Variants in DYNC2H1 observed in about 807,000 individuals in gnomAD.
DYNC2H1 encodes dynein cytoplasmic 2 heavy chain 1.
In DYNC2H1, 410 loss-of-function variants were observed where a neutral mutation model predicts 570.0. The ratio of observed to expected loss-of-function variants is 0.72; its 90% CI spans 0.66 to 0.78. The LOEUF is 0.78. Ranked by LOEUF, DYNC2H1 falls within the 30% of genes least tolerant of loss-of-function variation. The pLI, the probability that DYNC2H1 is intolerant of heterozygous loss-of-function variation, is 0.00. For missense variants in DYNC2H1, 4,865 were observed against 5,046.4 expected, an observed-to-expected ratio of 0.96 and a Z score of 1.09; for synonymous variants, 1,688 against 1,677.6, an observed-to-expected ratio of 1.01 and a Z score of -0.15.
In DYNC2H1 at chr11:103,323,961, C is replaced by G. The variant is rs768839818; in HGVS notation, c.12010C>G (p.Arg4004Gly). Residue 4004 changes from arginine to glycine, a missense_variant, in exon 82 of 89, where the codon CGC (arginine) becomes GGC (glycine). Around this residue, in one of 5 missense-constraint regions of DYNC2H1, gnomAD observed 2,401 missense variants for 2,454.6 expected, o/e 0.98. Coordinates refer to ENST00000375735, the MANE Select transcript of DYNC2H1 (RefSeq NM_001377.3). Reference protein sequence around the residue: ...SFFGLPANIARSSQRMISSQV... With the variant: ...SFFGLPANIAGSSQRMISSQV... The stretch of plus-strand genomic sequence containing the variant: ...CTTTGGTCTGCCTGCCAATATCGCT[C>G]GCTCATCTCAGCGCATGATCAGTTC... 4 of 1,612,106 alleles carry G rather than the reference C, an allele frequency of 2.5e-6. No individual in the cohort carries two copies. The African/African-American group carries it at 4.0e-5, about 16-fold the overall frequency.
intron 84 of DYNC2H1, among the ~76,000 whole-genome samples, chr11:103,432,113 C>A (rs955917780): frequency 2.6e-5 from 4 of 152,122 alleles, no homozygotes; most frequent in Admixed American, 6.6e-5. Flanking sequence ...GAAGCTTCTT[C>A]TTGATCCAGC....
chr11:103,385,157 T>C (rs1941820188), intron 83 of DYNC2H1, among the ~76,000 whole-genome samples: 1 of 152,062 alleles, frequency 6.6e-6, no homozygotes, highest in African/African-American at 2.4e-5. Context: ...TTCTCTTTAA[T>C]TCATTTTTTT....
intron 84 of DYNC2H1, among the ~76,000 whole-genome samples, chr11:103,401,233 C>T (rs929132342): frequency 1.3e-5 from 2 of 152,106 alleles, no homozygotes; most frequent in Admixed American, 6.6e-5. Context: ...TGGGTATGTC[C>T]TGTTGTCATA....
chr11:103,400,596 A>G (rs543936116), intron 84 of DYNC2H1, among the ~76,000 whole-genome samples: 57 of 152,334 alleles, frequency 3.7e-4, no homozygotes, highest in African/African-American at 1.3e-3. Flanking sequence ...TGGAGAATAG[A>G]AACTTTGCAG....
At chr11:103,336,439 T>A (rs1939131770) in intron 82 of DYNC2H1, among the ~76,000 whole-genome samples, 1 of 152,068 alleles carries the variant, frequency 6.6e-6, no homozygotes, top group African/African-American at 2.4e-5. Context: ...CTTTTTATCC[T>A]ACCCTCCCTC....
chr11:103,120,346 C>G, intron 6 of DYNC2H1, 101 bp from the exon 7 acceptor site: 4 of 1,150,310 alleles, frequency 3.5e-6, no homozygotes, highest in East Asian at 2.6e-5. Context: ...TTTAGTAAAC[C>G]TAATTTAAAG....
chr11:103,417,990 T>TAA (rs58195879), intron 84 of DYNC2H1, among the ~76,000 whole-genome samples: 25 of 135,630 alleles, frequency 1.8e-4, no homozygotes, highest in Non-Finnish European at 2.1e-4. Context: ...TAGTCGTGAT[T>TAA]AAAAAAAAAA....
chr11:103,282,170 A>G lies in DYNC2H1; in HGVS notation c.10762-9A>G, dbSNP rs186601939. The stretch of plus-strand genomic sequence containing the variant: ...TATATTTTTGTGTTCCTATATTTTT[A>G]TTCAATAGGAATGGGATACGTTTAC... On this transcript the variant is annotated splice_polypyrimidine_tract_variant and intron_variant, in intron 71 of 88. Transcript: ENST00000375735. The G allele has an allele frequency of 1.1e-5, 18 of 1,605,466 alleles. No homozygotes were observed. Among genetic ancestry groups the G allele is most frequent in the Admixed American group, 3.4e-5 (2 of 58,976 alleles).
intron 84 of DYNC2H1, among the ~76,000 whole-genome samples, chr11:103,429,650 C>T (rs898381149): frequency 3.3e-5 from 5 of 152,254 alleles, no homozygotes; most frequent in African/African-American, 1.2e-4. Flanking sequence ...TGAAACTTGT[C>T]TTTATCCTTC....
chr11:103,155,289 A>G (rs747009533), intron 24 of DYNC2H1, 42 bp from the exon 25 acceptor site: 4 of 1,538,546 alleles, frequency 2.6e-6, no homozygotes, highest in Non-Finnish European at 1.7e-6. Flanking sequence ...ATATATGTAT[A>G]TGTGTATACA....
chr11:103,154,090 C>A (rs1176661330), intron 22 of DYNC2H1, among the ~76,000 whole-genome samples: 1 of 151,770 alleles, frequency 6.6e-6, no homozygotes, highest in East Asian at 1.9e-4. Flanking sequence ...GAAGAGTATT[C>A]TTTTCCCAGA....
chr11:103,394,645 A>G (rs1942315546), intron 83 of DYNC2H1, among the ~76,000 whole-genome samples: 2 of 152,112 alleles, frequency 1.3e-5, no homozygotes, highest in African/African-American at 2.4e-5. Flanking sequence ...ATTTTATAGG[A>G]TAGCCATCTG....
rs1251311450 is a variant in DYNC2H1 at position 103,129,306 on chromosome 11, C to T, written c.1953+301C>T. Reference sequence around the variant, plus strand: ...TTTGAGGTCCTTATACACAAGCTTCCTTAGACCTTTCCCACCACCTCCCAA... The same window carrying T: ...TTTGAGGTCCTTATACACAAGCTTCTTTAGACCTTTCCCACCACCTCCCAA... On this transcript the variant is annotated intron_variant, in intron 13 of 88. Transcript: ENST00000375735. This position sits in a 1 kb window ranked among gnomAD's most constrained non-coding sequence, Gnocchi z 4.1. Among the ~76,000 whole-genome samples, 1 of 152,160 alleles carries T rather than the reference C, an allele frequency of 6.6e-6. No individual in the cohort carries two copies. Among genetic ancestry groups the T allele is most frequent in the African/African-American group, 2.4e-5 (1 of 41,442 alleles).
chr11:103,161,829 G>A (rs1195402826), intron 29 of DYNC2H1, among the ~76,000 whole-genome samples: 1 of 152,142 alleles, frequency 6.6e-6, no homozygotes, highest in Non-Finnish European at 1.5e-5. Context: ...TAGGCATATA[G>A]CTAAAACTAA....
chr11:103,341,532 T>G (rs1055747465), intron 82 of DYNC2H1, among the ~76,000 whole-genome samples: 4 of 152,202 alleles, frequency 2.6e-5, no homozygotes, highest in Non-Finnish European at 4.4e-5. Context: ...GTCTGTAAAA[T>G]TAGACTATCT....
At chr11:103,200,644 G>A (rs1426196621) in intron 50 of DYNC2H1, among the ~76,000 whole-genome samples, 3 of 152,102 alleles carry the variant, frequency 2.0e-5, no homozygotes, top group Middle Eastern at 3.2e-3. Flanking sequence ...TATGGCCTTA[G>A]TATGGATATA....
intron 88 of DYNC2H1, among the ~76,000 whole-genome samples, chr11:103,470,295 A>G (rs1278279394): frequency 6.6e-6 from 1 of 152,210 alleles, no homozygotes; most frequent in Non-Finnish European, 1.5e-5. Context: ...TCATACTTCT[A>G]AAAAGTCAGG....
intron 84 of DYNC2H1, chr11:103,406,151 A>T (rs997456396): frequency 6.6e-6 from 1 of 152,014 alleles, no homozygotes; most frequent in Non-Finnish European, 1.5e-5. Flanking sequence ...CTGTTACAGA[A>T]ATTAAGTGTA....
rs567022774 is a variant in DYNC2H1 at position 103,228,726 on chromosome 11, C to A, written c.9354-2534C>A. 6.6e-6 allele frequency among the ~76,000 whole-genome samples: 1 copy of A among 152,256 alleles called. No individual in the cohort carries two copies. The highest frequency in any genetic ancestry group is 1.9e-4 in the East Asian group (1 of 5,186). On this transcript the variant is annotated intron_variant, in intron 59 of 88. Transcript: ENST00000375735. This position sits in a 1 kb window ranked among gnomAD's most constrained non-coding sequence, Gnocchi z 6.1. ...CAGCTGTGGTCCTATAGGGAGGATG[C>A]AAACTTGCCCTAGGGACACCTGGTT...
Sources: gnomAD v4.1 joint callset for allele counts (sites outside exome capture counted in the v4.1 genomes callset) on GRCh38, gnomAD v4.1.1 for gene constraint, gnomAD v4.1.1 regional missense constraint, Gnocchi (gnomAD v3.1) non-coding constraint, MANE v1.5 for transcripts, NCBI Gene and HGNC (gene_info 2026-07-23, HGNC 2026-07-21) for gene names.